IPO9: variants seen among roughly 807,000 people sequenced by gnomAD.
The protein encoded by IPO9 is importin 9, also known as importin-9.
In IPO9, 28 loss-of-function variants were observed where a neutral mutation model predicts 128.6. That is an observed-to-expected ratio of 0.22 (90% CI 0.16 to 0.30). IPO9 has a LOEUF of 0.30. Among genes scored for constraint, IPO9 ranks in the 10% least tolerant of loss-of-function variants. IPO9 has a pLI of 1.00. For missense variants in IPO9, 935 were observed against 1,293.9 expected (o/e 0.72, Z 4.26); for synonymous variants, 455 against 475.8 (o/e 0.96, Z 0.57).
Position 201,855,047 on chromosome 1 carries a change from G to T in IPO9, c.912-77G>T, listed in dbSNP as rs1285695037. ...CTTTTTTAAGGTGTCTACTTTTAGT[G>T]TTGGAATATGTAACATTTCCATGTA... On this transcript the variant is annotated intron_variant, in intron 8 of 23. Transcript: ENST00000361565. The T allele has an allele frequency of 2.3e-6, 3 of 1,293,222 alleles. No homozygotes were observed. In the Admixed American group the frequency reaches 5.9e-5, roughly 25 times the overall value. The allele number at this position is 1,293,222 out of a possible 1,614,324, so 80.1% of individuals were successfully genotyped here. A position where few individuals can be genotyped will look rare whatever the true frequency, so the allele number is the denominator to read the frequency against.
intron 11 of IPO9, among the ~76,000 whole-genome samples, chr1:201,858,172 G>C (rs1558221018): frequency 6.6e-6 from 1 of 152,204 alleles, no homozygotes; most frequent in Non-Finnish European, 1.5e-5. Context: ...TCCAAAGCTA[G>C]ATCTATTATT....
At chr1:201,844,627 T>C (rs1680093600) in intron 1 of IPO9, among the ~76,000 whole-genome samples, 1 of 152,258 alleles carries the variant, frequency 6.6e-6, no homozygotes, top group African/African-American at 2.4e-5. Context: ...ATGAATGATA[T>C]CCATGAACTC....
Position 201,870,439 on chromosome 1 carries a change from A to G in IPO9, c.2134-144A>G, listed in dbSNP as rs905802890. 135 of 814,048 alleles carry G rather than the reference A, an allele frequency of 1.7e-4. No homozygotes were observed. The East Asian group carries it at 3.5e-3, about 21-fold the overall frequency. 50.4% of individuals were successfully genotyped at this position (814,048 alleles called of 1,614,324 possible). On this transcript the variant is annotated intron_variant, in intron 17 of 23. Transcript: ENST00000361565. The surrounding 1 kb of genome is among the most constrained non-coding windows in gnomAD (Gnocchi z 4.9). ...CTGTAACAGTAAATGTCTTAACTCCAGTGGTATGAGCCCACCACAAACATT... is the reference window on the plus strand; with the variant it reads ...CTGTAACAGTAAATGTCTTAACTCCGGTGGTATGAGCCCACCACAAACATT...
intron 11 of IPO9, among the ~76,000 whole-genome samples, chr1:201,857,402 A>C (rs549225524): frequency 6.6e-6 from 1 of 152,316 alleles, no homozygotes; most frequent in East Asian, 1.9e-4. Flanking sequence ...AAAACTAAAT[A>C]TTAGATAAAA....
chr1:201,860,697 C>A (rs1392393795), intron 13 of IPO9, among the ~76,000 whole-genome samples: 3 of 152,120 alleles, frequency 2.0e-5, no homozygotes, highest in Non-Finnish European at 4.4e-5. Context: ...TACAAATTAT[C>A]AATAATTTAA....
intron 13 of IPO9, among the ~76,000 whole-genome samples, chr1:201,859,259 T>G (rs1680396055): frequency 6.7e-6 from 1 of 149,452 alleles, no homozygotes; most frequent in Non-Finnish European, 1.5e-5. Context: ...TCACTTAGAC[T>G]GGTAGGCCAG....
intron 6 of IPO9, among the ~76,000 whole-genome samples, chr1:201,854,326 C>A (rs1680280368): frequency 6.6e-6 from 1 of 152,192 alleles, no homozygotes; most frequent in Admixed American, 6.5e-5. Flanking sequence ...CTGAAAAATA[C>A]CAATCCCTGT....
At chr1:201,849,796 G>A (rs973388577) in intron 4 of IPO9, among the ~76,000 whole-genome samples, 7 of 152,064 alleles carry the variant, frequency 4.6e-5, no homozygotes, top group South Asian at 4.1e-4. Context: ...CTCAGATACC[G>A]AACAGACTTA....
In IPO9 at chr1:201,848,613, C is replaced by T. The variant is rs752034514; in HGVS notation, c.514+19C>T. 6.2e-7 allele frequency: 1 copy of T among 1,611,800 alleles called. No individual in the cohort carries two copies. Among genetic ancestry groups the T allele is most frequent in the South Asian group, 1.1e-5 (1 of 91,000 alleles). ...CTGACAGGTACCAGAAGCCCTTTTC[C>T]CTGGTATTGGTACTTGGATCTCAAG... On this transcript the variant is annotated intron_variant, in intron 4 of 23. Transcript: ENST00000361565.
At position 201,870,675 on chromosome 1, in the gene IPO9, T is replaced by C. The variant is rs1680632912; in HGVS notation, c.2226T>C (p.Tyr742=). 3.1e-6 allele frequency: 5 copies of C among 1,614,086 alleles called. No individual in the cohort carries two copies. Among genetic ancestry groups the C allele is most frequent in the African/African-American group, 2.7e-5 (2 of 74,922 alleles). The change falls in exon 18 of 24, where the codon TAT becomes TAC. Residue 742 remains tyrosine (Y), a synonymous_variant. Coordinates refer to ENST00000361565, the MANE Select transcript of IPO9 (RefSeq NM_018085.5). This position sits in a 1 kb window ranked among gnomAD's most constrained non-coding sequence, Gnocchi z 4.9. ...HDEQGHNGLW[Y]VMQVVSQLLD... is the part of the protein sequence containing the mutation. ...AGCAGGGCCACAATGGACTGTGGTA[T>C]GTGATGCAAGTGGTGAGCCAGCTCC...
intron 6 of IPO9, 29 bp downstream of exon 6, chr1:201,853,126 C>T (rs778666009): frequency 1.3e-6 from 2 of 1,580,240 alleles, no homozygotes; most frequent in South Asian, 1.1e-5. Context: ...CAATAACAGA[C>T]TTCATGCTTA....
chr1:201,840,660 C>T (rs890156109), intron 1 of IPO9, among the ~76,000 whole-genome samples: 6 of 151,900 alleles, frequency 3.9e-5, no homozygotes, highest in Admixed American at 1.3e-4. Flanking sequence ...GGAGAGCACA[C>T]GAATAACATA....
At chr1:201,859,056 G>A (rs1289389456) in intron 13 of IPO9, 62 bp downstream of exon 13, 1 of 1,549,722 alleles carries the variant, frequency 6.5e-7, no homozygotes, top group Non-Finnish European at 8.8e-7. Context: ...GGTTGGGGGA[G>A]GGATCAGCAT....
Position 201,877,504 on chromosome 1 carries a change from C to CAG in IPO9, c.*1451_*1452insGA, listed in dbSNP as rs1273798114. ...AGACTCAATCACACACACACACACA[C>CAG]ACACACACAAATCATGGGGAGAAAG... On this transcript the variant is annotated 3_prime_UTR_variant, in exon 24 of 24. Transcript: ENST00000361565. 1 of 100,400 alleles carries CAG rather than the reference C, an allele frequency of 1.0e-5. No individual in the cohort carries two copies. Among genetic ancestry groups the CAG allele is most frequent in the East Asian group, 2.8e-4 (1 of 3,630 alleles). The allele number at this position is 100,400 out of a possible 1,614,324, so 6.2% of individuals were successfully genotyped here.
intron 11 of IPO9, 150 bp downstream of exon 11, chr1:201,857,344 A>T: frequency 1.6e-6 from 1 of 611,506 alleles, no homozygotes; most frequent in Non-Finnish European, 2.9e-6. Flanking sequence ...TTCTGAAATG[A>T]AATTCGAGAC....
intron 14 of IPO9, among the ~76,000 whole-genome samples, chr1:201,866,531 A>C (rs891069468): frequency 3.3e-5 from 5 of 152,266 alleles, no homozygotes; most frequent in African/African-American, 1.2e-4. Context: ...AAATAGCAAA[A>C]GTCAAAGAAA....
chr1:201,863,808 TC>T (rs1340330055), intron 14 of IPO9, among the ~76,000 whole-genome samples: 2 of 152,202 alleles, frequency 1.3e-5, no homozygotes, highest in Non-Finnish European at 2.9e-5. Context: ...TCCTTTCTGC[TC>T]CTCTTCCTCT....
intron 7 of IPO9, 53 bp from the exon 8 acceptor site, chr1:201,854,770 T>C: frequency 2.5e-6 from 4 of 1,607,532 alleles, no homozygotes; most frequent in Non-Finnish European, 3.4e-6. Flanking sequence ...TCTGAAATCA[T>C]TTATTTCTTA....
At chr1:201,834,197 CTTTTCTT>C (rs201371667) in intron 1 of IPO9, among the ~76,000 whole-genome samples, 2,766 of 58,590 alleles carry the variant, frequency 0.047, 39 homozygotes, top group Non-Finnish European at 0.087. Flanking sequence ...AGTAAAAAAA[CTTTTCTT>C]TTCTTTTTTT....
Sources: allele counts gnomAD v4.1 joint callset (sites outside exome capture counted in the v4.1 genomes callset), GRCh38; gene constraint gnomAD v4.1.1; non-coding constraint Gnocchi (gnomAD v3.1); transcripts MANE v1.5; gene names NCBI Gene and HGNC (gene_info 2026-07-23, HGNC 2026-07-21).